PHKA1: variants seen among roughly 807,000 people sequenced by gnomAD.
PHKA1 encodes phosphorylase kinase regulatory subunit alpha 1.
A neutral mutation model predicts 110.2 loss-of-function variants in PHKA1; 60 were observed. The ratio of observed to expected loss-of-function variants is 0.54; its 90% CI spans 0.44 to 0.68. PHKA1 has a LOEUF of 0.68. PHKA1 is among the 30% of genes least tolerant of loss of function. The pLI is 0.00. For missense variants in PHKA1, 801 were observed against 942.5 expected, an observed-to-expected ratio of 0.85 and a Z score of 1.97; for synonymous variants, 316 against 333.6, an observed-to-expected ratio of 0.95 and a Z score of 0.58.
At chrX:72,693,467 G>A (rs1395565630) in intron 4 of PHKA1, among the ~76,000 whole-genome samples, 4 of 111,954 alleles carry the variant, frequency 3.6e-5, no homozygotes, top group Admixed American at 2.8e-4. Flanking sequence ...CAAAATTTCC[G>A]TGCCAGTGCT....
rs782401495 is a variant in PHKA1, at chrX:72,613,300, C to A, written c.2370-2116G>T. On this transcript the variant is annotated intron_variant, in intron 21 of 31. Coordinates refer to ENST00000373542, the MANE Select transcript of PHKA1 (RefSeq NM_002637.4). ...TAGAGCTGTGTGTATACTATGCTAC[C>A]TTTTGGATAAATAGGGGTAAAATTA... Among the ~76,000 whole-genome samples the A allele has an allele frequency of 6.4e-5, 7 of 109,626 alleles. No individual in the cohort carries two copies. The Admixed American group carries it at 6.8e-4, about 11-fold the overall frequency.
intron 6 of PHKA1, among the ~76,000 whole-genome samples, chrX:72,674,744 A>G (rs2053755606): frequency 8.9e-6 from 1 of 112,300 alleles, no homozygotes; most frequent in African/African-American, 3.2e-5. Flanking sequence ...GATCTTCACT[A>G]AAGCATTATC....
chrX:72,671,046 G>C (rs1307568953), intron 6 of PHKA1, among the ~76,000 whole-genome samples: 59 of 111,165 alleles, frequency 5.3e-4, no homozygotes, highest in Admixed American at 1.2e-3. Flanking sequence ...TGCCCTCTCT[G>C]ACCACTCCTA....
chrX:72,675,977 T>C (rs782242783), intron 6 of PHKA1, 93 bp downstream of exon 6: 35 of 625,562 alleles, frequency 5.6e-5, no homozygotes, highest in Non-Finnish European at 2.9e-5. Flanking sequence ...ATTAATTTGA[T>C]TATGGTCCAC....
chrX:72,581,661 C>A (rs1183120931), intron 31 of PHKA1, among the ~76,000 whole-genome samples: 1 of 112,188 alleles, frequency 8.9e-6, no homozygotes, highest in Non-Finnish European at 1.9e-5. Context: ...AAAGGGAACA[C>A]ATTTTTAGAT....
chrX:72,705,193 C>T lies in PHKA1; in HGVS notation c.285+5G>A. 8.6e-7 allele frequency: 1 copy of T among 1,168,781 alleles called. No homozygotes were observed. On this transcript the variant is annotated splice_donor_5th_base_variant and intron_variant, in intron 3 of 31. Transcript: ENST00000373542. ...TTAGAGAGGAAGGTGTTATCAATAC[C>T]ATACCTGTCTGATCATGCAGTGCAG... is the stretch of plus-strand genomic sequence containing the variant.
At chrX:72,671,794 C>A (rs1319005532) in intron 6 of PHKA1, among the ~76,000 whole-genome samples, 1 of 110,710 alleles carries the variant, frequency 9.0e-6, no homozygotes, top group Non-Finnish European at 1.9e-5. Flanking sequence ...ATATCTACAA[C>A]TATCTGATCT....
At chrX:72,647,754 G>C (rs2053378908) in intron 13 of PHKA1, among the ~76,000 whole-genome samples, 1 of 111,097 alleles carries the variant, frequency 9.0e-6, no homozygotes. Context: ...GTTGGAATAG[G>C]AGGAGGCTGA....
At chrX:72,635,507 G>A (rs1342214708) in intron 15 of PHKA1, among the ~76,000 whole-genome samples, 2 of 111,451 alleles carry the variant, frequency 1.8e-5, no homozygotes, top group African/African-American at 6.5e-5. Flanking sequence ...TGCAGTTTAC[G>A]AAGTATTTTT....
intron 2 of PHKA1, among the ~76,000 whole-genome samples, chrX:72,710,267 A>C (rs1470935565): frequency 8.9e-6 from 1 of 111,986 alleles, no homozygotes; most frequent in Non-Finnish European, 1.9e-5. Context: ...CGGATCAAAA[A>C]TACAGGATTC....
intron 10 of PHKA1, among the ~76,000 whole-genome samples, chrX:72,653,933 A>T (rs1556300170): frequency 9.0e-6 from 1 of 110,945 alleles, no homozygotes; most frequent in Non-Finnish European, 1.9e-5. Flanking sequence ...TATTGTCTTA[A>T]AACTGCATTT....
chrX:72,680,845 G>A (rs2053845871), intron 5 of PHKA1, among the ~76,000 whole-genome samples: 1 of 78,801 alleles, frequency 1.3e-5, no homozygotes, highest in South Asian at 6.8e-4. Context: ...GGGAGGCAGC[G>A]GCTGGAGGAG....
chrX:72,622,386 G>A (rs2052992395), intron 18 of PHKA1: 2 of 754,047 alleles, frequency 2.7e-6, no homozygotes, highest in African/African-American at 4.6e-5. Context: ...GACAATGAAA[G>A]CAGGCAAATC....
intron 29 of PHKA1, among the ~76,000 whole-genome samples, chrX:72,586,825 G>A (rs1358401961): frequency 1.8e-5 from 2 of 109,858 alleles, no homozygotes; most frequent in East Asian, 5.8e-4. Context: ...CGGAAGAAAG[G>A]ATATCAGTGA....
At chrX:72,680,508 T>C (rs1247918931) in intron 5 of PHKA1, among the ~76,000 whole-genome samples, 2 of 112,982 alleles carry the variant, frequency 1.8e-5, no homozygotes, top group East Asian at 2.8e-4. Context: ...TTTTCAAATA[T>C]GAAGATGAAA....
intron 6 of PHKA1, among the ~76,000 whole-genome samples, chrX:72,668,435 C>A: frequency 8.9e-6 from 1 of 112,159 alleles, no homozygotes; most frequent in Non-Finnish European, 1.9e-5. Context: ...TATGACAATA[C>A]CTTCCTTAAT....
At chrX:72,672,270 G>A (rs1278087731) in intron 6 of PHKA1, among the ~76,000 whole-genome samples, 4 of 111,910 alleles carry the variant, frequency 3.6e-5, no homozygotes, top group African/African-American at 1.3e-4. Flanking sequence ...TGCCCTCCTA[G>A]GCCTTTGGAC....
intron 8 of PHKA1, among the ~76,000 whole-genome samples, chrX:72,663,979 C>T (rs2053590216): frequency 9.0e-6 from 1 of 110,828 alleles, no homozygotes. Context: ...CTTATCACTA[C>T]AGAAAACCAC....
chrX:72,658,790 T>C (rs2369216), intron 8 of PHKA1, among the ~76,000 whole-genome samples: 8,092 of 112,135 alleles, frequency 0.072, 845 homozygotes, highest in East Asian at 0.67. Flanking sequence ...TCTCAGTGCA[T>C]TGTATGAGAG....
Sources: gnomAD v4.1 joint callset for allele counts (sites outside exome capture counted in the v4.1 genomes callset) on GRCh38, gnomAD v4.1.1 for gene constraint, MANE v1.5 for transcripts, NCBI Gene and HGNC (gene_info 2026-07-23, HGNC 2026-07-21) for gene names.